Variants in WWOX observed in about 807,000 individuals in gnomAD.
WWOX encodes the protein WW domain-containing oxidoreductase.
A neutral mutation model predicts 46.2 loss-of-function variants in WWOX; 69 were observed. The ratio of observed to expected loss-of-function variants is 1.49; its 90% CI spans 1.23 to 1.82. The LOEUF (loss-of-function observed/expected upper bound fraction) is 1.82, where lower values mean the gene tolerates loss of function less well. Ranked by LOEUF, WWOX falls within the 40% of genes most tolerant of loss-of-function variation. The probability of loss-of-function intolerance (pLI) is 0.00; values close to 1 mark genes in which losing one functional copy is unlikely to be tolerated. For synonymous variants in WWOX, 359 were observed against 202.6 expected (o/e 1.77, Z -6.56); for missense variants, 919 against 542.6 (o/e 1.69, Z -6.89).
intron 1 of WWOX, among the ~76,000 whole-genome samples, chr16:78,102,577 C>G (rs887881339): frequency 6.6e-6 from 1 of 152,336 alleles, no homozygotes; most frequent in East Asian, 1.9e-4. Flanking sequence ...ACCTGTACAT[C>G]TGTTGGGGAA....
At chr16:79,131,365 A>G (rs2049874707) in intron 8 of WWOX, among the ~76,000 whole-genome samples, 1 of 152,194 alleles carries the variant, frequency 6.6e-6, no homozygotes, top group Admixed American at 6.5e-5. Context: ...GAGAGCCTGA[A>G]AAGCAGGAGG....
intron 8 of WWOX, among the ~76,000 whole-genome samples, chr16:78,815,773 G>C (rs1402188414): frequency 6.6e-6 from 1 of 152,198 alleles, no homozygotes; most frequent in Non-Finnish European, 1.5e-5. Flanking sequence ...ACAGTTGTAC[G>C]CAGACCTCTC....
chr16:78,606,718 GTTTTTTTTTTT>G (rs59612285), intron 8 of WWOX, among the ~76,000 whole-genome samples: 4 of 121,078 alleles, frequency 3.3e-5, no homozygotes, highest in African/African-American at 1.0e-4. Context: ...CAGAATTGCA[GTTTTTTTTTTT>G]TTTTTTTTTT....
chr16:78,787,505 T>G (rs115696269), intron 8 of WWOX, among the ~76,000 whole-genome samples: 170 of 152,336 alleles, frequency 1.1e-3, no homozygotes, highest in African/African-American at 3.9e-3. Flanking sequence ...ACTTCATTCT[T>G]TTTATGGTTG....
intron 5 of WWOX, among the ~76,000 whole-genome samples, chr16:78,165,582 G>A (rs146672673): frequency 6.6e-6 from 1 of 152,122 alleles, no homozygotes; most frequent in African/African-American, 2.4e-5. Context: ...TGGGAGGAGG[G>A]GGAGGAGGAG....
intron 8 of WWOX, among the ~76,000 whole-genome samples, chr16:78,723,592 CTTTTCTTT>C (rs2048748362): frequency 1.4e-5 from 1 of 72,382 alleles, no homozygotes; most frequent in Non-Finnish European, 3.0e-5. Context: ...CTTTTCTTTT[CTTTTCTTT>C]TCTTTTCTTT....
At chr16:78,593,911 T>C (rs1051154768) in intron 8 of WWOX, among the ~76,000 whole-genome samples, 3 of 152,160 alleles carry the variant, frequency 2.0e-5, no homozygotes, top group South Asian at 2.1e-4. Flanking sequence ...GTTCCTTCTT[T>C]AGCAATTGGA....
intron 8 of WWOX, among the ~76,000 whole-genome samples, chr16:79,085,197 C>G (rs773105529): frequency 2.0e-5 from 3 of 152,180 alleles, no homozygotes; most frequent in Middle Eastern, 3.2e-3. Context: ...CTTTGTCTCT[C>G]TCTCTCTTTC....
At chr16:78,940,866 G>C (rs1366178570) in intron 8 of WWOX, among the ~76,000 whole-genome samples, 1 of 151,906 alleles carries the variant, frequency 6.6e-6, no homozygotes, top group Non-Finnish European at 1.5e-5. Context: ...CTAATAAGTT[G>C]TATCGATCAT....
intron 5 of WWOX, among the ~76,000 whole-genome samples, chr16:78,255,641 A>C (rs929110577): frequency 6.6e-6 from 1 of 152,182 alleles, no homozygotes; most frequent in Non-Finnish European, 1.5e-5. Context: ...CACCCCACTT[A>C]GGAAAATACG....
chr16:79,210,292 G>C (rs555015019), intron 8 of WWOX, among the ~76,000 whole-genome samples: 1 of 152,202 alleles, frequency 6.6e-6, no homozygotes, highest in South Asian at 2.1e-4. Context: ...TCTTCACGTC[G>C]TAACACCTTC....
intron 8 of WWOX, among the ~76,000 whole-genome samples, chr16:78,845,751 T>A (rs561425891): frequency 1.3e-5 from 2 of 152,316 alleles, no homozygotes; most frequent in African/African-American, 4.8e-5. Flanking sequence ...AAGGTTGAGA[T>A]ATGTACTAAT....
chr16:78,198,846 G>A (rs1374742947), intron 5 of WWOX, among the ~76,000 whole-genome samples: 1 of 152,068 alleles, frequency 6.6e-6, no homozygotes, highest in Non-Finnish European at 1.5e-5. Flanking sequence ...ATATATACAT[G>A]TAAGTTTCCA....
intron 8 of WWOX, among the ~76,000 whole-genome samples, chr16:78,750,040 A>T (rs922308132): frequency 6.6e-6 from 1 of 152,198 alleles, no homozygotes; most frequent in African/African-American, 2.4e-5. Flanking sequence ...TCTATCAGGG[A>T]AAAATAGGAG....
intron 8 of WWOX, among the ~76,000 whole-genome samples, chr16:79,100,637 C>T (rs1324302586): frequency 6.6e-6 from 1 of 152,098 alleles, no homozygotes; most frequent in Non-Finnish European, 1.5e-5. Context: ...GGCCGCGTTG[C>T]AATTTTTCTG....
At chr16:78,113,202 C>G (rs1006438154) in intron 3 of WWOX, among the ~76,000 whole-genome samples, 5 of 152,130 alleles carry the variant, frequency 3.3e-5, no homozygotes, top group African/African-American at 1.2e-4. Context: ...AGGCCCCCAC[C>G]CCAGACCTAC....
At chr16:78,243,837 G>A (rs893412420) in intron 5 of WWOX, among the ~76,000 whole-genome samples, 7 of 152,202 alleles carry the variant, frequency 4.6e-5, no homozygotes, top group South Asian at 4.1e-4. Context: ...GTGAGCCACC[G>A]CACCTGGCCT....
intron 8 of WWOX, among the ~76,000 whole-genome samples, chr16:79,128,084 A>C (rs1158814722): frequency 6.6e-6 from 1 of 152,158 alleles, no homozygotes; most frequent in Non-Finnish European, 1.5e-5. Flanking sequence ...CCCCTTCTCC[A>C]TCCCCCACCA....
At chr16:79,087,113 AT>A (rs2048867948) in intron 8 of WWOX, among the ~76,000 whole-genome samples, 2 of 152,294 alleles carry the variant, frequency 1.3e-5, no homozygotes, top group African/African-American at 4.8e-5. Flanking sequence ...TGGGAATTGC[AT>A]TTTAGAGGTA....
Sources: gnomAD v4.1 joint callset for allele counts (sites outside exome capture counted in the v4.1 genomes callset) on GRCh38, gnomAD v4.1.1 for gene constraint, MANE v1.5 for transcripts, NCBI Gene and HGNC (gene_info 2026-07-23, HGNC 2026-07-21) for gene names.